NCOA2: variants seen among roughly 807,000 people sequenced by gnomAD.
NCOA2 encodes nuclear receptor coactivator 2.
A neutral mutation model predicts 145.1 loss-of-function variants in NCOA2; 21 were observed. The ratio of observed to expected loss-of-function variants is 0.14; its 90% confidence interval spans 0.10 to 0.21. NCOA2 has a LOEUF of 0.21. NCOA2 is among the 10% of genes least tolerant of loss of function. The pLI, the probability that NCOA2 is intolerant of heterozygous loss-of-function variation, is 1.00. For missense variants in NCOA2, 1,472 were observed against 1,837.6 expected (o/e 0.80, Z 3.64); for synonymous variants, 619 against 637.5 (o/e 0.97, Z 0.44).
intron 11 of NCOA2, among the ~76,000 whole-genome samples, chr8:70,154,447 C>A (rs1812075331): frequency 6.6e-6 from 1 of 152,178 alleles, no homozygotes; most frequent in African/African-American, 2.4e-5. Context: ...GGGTCTCAAT[C>A]TATTGCCTAG....
chr8:70,346,300 A>C (rs1204408057), intron 1 of NCOA2, among the ~76,000 whole-genome samples: 2 of 152,232 alleles, frequency 1.3e-5, no homozygotes, highest in African/African-American at 2.4e-5. Context: ...AATGGCTTTT[A>C]ATAACTGTTT....
chr8:70,447,125 G>T, the NCOA2 span, among the ~76,000 whole-genome samples: 2 of 152,146 alleles, frequency 1.3e-5, no homozygotes, highest in Non-Finnish European at 2.9e-5. Context: ...CAATCACAGA[G>T]AATTATTTTT....
At chr8:70,453,471 T>A in the NCOA2 span, among the ~76,000 whole-genome samples, 6 of 152,190 alleles carry the variant, frequency 3.9e-5, no homozygotes, top group Admixed American at 3.9e-4. Context: ...TCCTAAAGCT[T>A]AAAAGATGAA....
At chr8:70,234,222 T>C (rs1416462715) in intron 2 of NCOA2, among the ~76,000 whole-genome samples, 2 of 152,250 alleles carry the variant, frequency 1.3e-5, no homozygotes, top group Non-Finnish European at 2.9e-5. Context: ...AAATATTCCA[T>C]TGTATAGCTA....
intron 12 of NCOA2, among the ~76,000 whole-genome samples, chr8:70,146,920 A>C (rs1811129005): frequency 6.6e-6 from 1 of 151,630 alleles, no homozygotes; most frequent in Admixed American, 6.6e-5. Context: ...TGAACTCCTG[A>C]CCTCAGGTGA....
chr8:70,117,840 G>A (rs1424899278), intron 22 of NCOA2, among the ~76,000 whole-genome samples: 1 of 152,230 alleles, frequency 6.6e-6, no homozygotes, highest in Non-Finnish European at 1.5e-5. Flanking sequence ...ATAGAGAATA[G>A]GCTTGCAGTA....
rs981689117 is a variant in NCOA2, at chr8:70,112,064, C to G, written c.*1568G>C. The G allele has an allele frequency of 9.6e-6, 2 of 208,672 alleles. No individual in the cohort carries two copies. Among genetic ancestry groups the G allele is most frequent in the Admixed American group, 1.2e-4 (2 of 16,882 alleles). The allele number at this position is 208,672 out of a possible 1,614,324, so 12.9% of individuals were successfully genotyped here. On this transcript the variant is annotated 3_prime_UTR_variant, in exon 23 of 23. Coordinates refer to ENST00000452400, the MANE Select transcript of NCOA2 (RefSeq NM_006540.4). The stretch of plus-strand genomic sequence containing the variant: ...ACCATAAAAGTGGCCTGCTTAGTAA[C>G]ATGTAGTCTTTCTAAGGTTCATTAA...
intron 4 of NCOA2, among the ~76,000 whole-genome samples, chr8:70,204,502 T>C (rs1403921862): frequency 1.3e-5 from 2 of 152,162 alleles, no homozygotes; most frequent in African/African-American, 2.4e-5. Context: ...ACAAGATAGG[T>C]TGTAATCTGT....
intron 9 of NCOA2, among the ~76,000 whole-genome samples, chr8:70,161,680 T>C (rs1199425493): frequency 6.6e-6 from 1 of 152,192 alleles, no homozygotes; most frequent in Admixed American, 6.5e-5. Context: ...AACTCCATTT[T>C]CAATAACTAG....
chr8:70,266,853 C>T (rs1478674233), intron 2 of NCOA2, among the ~76,000 whole-genome samples: 3 of 152,164 alleles, frequency 2.0e-5, no homozygotes, highest in African/African-American at 7.2e-5. Context: ...CTGTTTTGCT[C>T]TTTTTGTTAA....
At chr8:70,427,402 G>A in the NCOA2 span, among the ~76,000 whole-genome samples, 5 of 152,258 alleles carry the variant, frequency 3.3e-5, no homozygotes, top group East Asian at 7.7e-4. Context: ...TCACACGAAT[G>A]ATCTACTAGA....
intron 19 of NCOA2, among the ~76,000 whole-genome samples, chr8:70,126,272 T>C (rs1387898580): frequency 2.6e-5 from 4 of 152,282 alleles, no homozygotes; most frequent in Admixed American, 2.6e-4. Context: ...CAAATCAATA[T>C]GAAGAGGACT....
chr8:70,171,253 A>T (rs907794049), intron 5 of NCOA2, among the ~76,000 whole-genome samples: 1 of 152,204 alleles, frequency 6.6e-6, no homozygotes, highest in South Asian at 2.1e-4. Flanking sequence ...ACTGTGCCTT[A>T]CAAGTACCTC....
intron 1 of NCOA2, among the ~76,000 whole-genome samples, chr8:70,363,206 AC>A (rs1273525122): frequency 6.6e-6 from 1 of 151,992 alleles, no homozygotes; most frequent in Non-Finnish European, 1.5e-5. Flanking sequence ...ACACAGTGAA[AC>A]CCCGTCTCTA....
intron 11 of NCOA2, among the ~76,000 whole-genome samples, chr8:70,154,943 C>T (rs1476423089): frequency 6.6e-6 from 1 of 152,002 alleles, no homozygotes; most frequent in Non-Finnish European, 1.5e-5. Context: ...GTGTTTGTAC[C>T]CCAAAAAGTA....
intron 2 of NCOA2, among the ~76,000 whole-genome samples, chr8:70,267,624 T>G (rs1656353796): frequency 6.6e-6 from 1 of 152,110 alleles, no homozygotes; most frequent in African/African-American, 2.4e-5. Flanking sequence ...GTTACCCAGG[T>G]TGGAAGATCC....
At chr8:70,255,876 A>C (rs1200189193) in intron 2 of NCOA2, among the ~76,000 whole-genome samples, 1 of 96,590 alleles carries the variant, frequency 1.0e-5, no homozygotes, top group African/African-American at 4.0e-5. Flanking sequence ...CTGCTAATGG[A>C]AAGAAGATCT....
intron 5 of NCOA2, 123 bp from the exon 6 acceptor site, chr8:70,170,502 C>T (rs1402080461): frequency 1.3e-6 from 1 of 789,328 alleles, no homozygotes; most frequent in African/African-American, 1.8e-5. Context: ...AGAGATCTTT[C>T]TCAGCCCTCT....
At chr8:70,364,829 G>GT (rs5892229) in intron 1 of NCOA2, among the ~76,000 whole-genome samples, 369 of 137,510 alleles carry the variant, frequency 2.7e-3, no homozygotes, top group Admixed American at 5.5e-3. Context: ...AAAAAGGTTT[G>GT]TTTTTTTTTT....
Sources: allele counts gnomAD v4.1 joint callset (sites outside exome capture counted in the v4.1 genomes callset), GRCh38; gene constraint gnomAD v4.1.1; transcripts MANE v1.5; gene names NCBI Gene and HGNC (gene_info 2026-07-23, HGNC 2026-07-21).